The following TBCK variants were observed in gnomAD, a reference collection of about 807,000 sequenced individuals.
The protein encoded by TBCK is TBC1 domain containing kinase.
In TBCK, 99 loss-of-function variants were observed where a neutral mutation model predicts 113.4. The ratio of observed to expected loss-of-function variants is 0.87; its 90% CI spans 0.74 to 1.03. TBCK has a LOEUF of 1.03. Ranked by LOEUF, TBCK falls within the 50% of genes least tolerant of loss-of-function variation. TBCK has a pLI of 0.00. For synonymous variants in TBCK, 369 were observed against 370.8 expected (o/e 1.00, Z 0.05); for missense variants, 1,045 against 1,061.3 (o/e 0.98, Z 0.21).
intron 25 of TBCK, among the ~76,000 whole-genome samples, chr4:106,060,000 C>CTCTGCAATT (rs1735858403): frequency 6.6e-6 from 1 of 151,702 alleles, no homozygotes; most frequent in Non-Finnish European, 1.5e-5. Flanking sequence ...CAGAGCCAGG[C>CTCTGCAATT]CTTAGCTCTC....
chr4:106,272,352 C>T (rs374313657), intron 3 of TBCK, among the ~76,000 whole-genome samples: 4 of 152,130 alleles, frequency 2.6e-5, no homozygotes, highest in African/African-American at 9.6e-5. Context: ...TGTATAGCCC[C>T]CATCATCCTT....
chr4:106,216,622 A>T (rs1756963832), intron 19 of TBCK, among the ~76,000 whole-genome samples: 1 of 152,234 alleles, frequency 6.6e-6, no homozygotes, highest in Admixed American at 6.5e-5. Flanking sequence ...CCTAGAAGAA[A>T]TGGGTAAATT....
chr4:106,142,506 G>A (rs1747251068), intron 23 of TBCK, among the ~76,000 whole-genome samples: 2 of 152,124 alleles, frequency 1.3e-5, no homozygotes, highest in African/African-American at 2.4e-5. Context: ...ACATTTTATA[G>A]GAAATCCTGA....
intron 3 of TBCK, among the ~76,000 whole-genome samples, chr4:106,271,829 A>G (rs1054332631): frequency 6.6e-6 from 1 of 152,148 alleles, no homozygotes; most frequent in South Asian, 2.1e-4. Flanking sequence ...TTCTACAAAG[A>G]GCACATTGAT....
At chr4:106,236,291 A>T in intron 14 of TBCK, 99 bp downstream of exon 14, 1 of 875,364 alleles carries the variant, frequency 1.1e-6, no homozygotes, top group Non-Finnish European at 1.5e-6. Flanking sequence ...CATAAAAATT[A>T]ATCTTCTTAT....
chr4:106,226,293 G>A (rs1162604479), intron 19 of TBCK, among the ~76,000 whole-genome samples: 1 of 152,110 alleles, frequency 6.6e-6, no homozygotes, highest in Non-Finnish European at 1.5e-5. Flanking sequence ...AATTTTGGGA[G>A]GAAGATAATT....
chr4:106,253,772 C>T (rs748753938), intron 5 of TBCK, among the ~76,000 whole-genome samples: 11 of 152,152 alleles, frequency 7.2e-5, no homozygotes, highest in Middle Eastern at 3.2e-3. Flanking sequence ...TCAAGACTTT[C>T]GCTTATTTCT....
intron 19 of TBCK, among the ~76,000 whole-genome samples, chr4:106,229,751 T>C (rs1260565361): frequency 6.8e-6 from 1 of 148,014 alleles, no homozygotes; most frequent in African/African-American, 2.4e-5. Flanking sequence ...ATATAAATTT[T>C]AGGATTTTTT....
At chr4:106,076,607 G>T (rs957318955) in intron 25 of TBCK, among the ~76,000 whole-genome samples, 1 of 152,088 alleles carries the variant, frequency 6.6e-6, no homozygotes, top group African/African-American at 2.4e-5. Context: ...AATCGTATAG[G>T]TAACTAGAGA....
intron 14 of TBCK, 70 bp from the exon 15 acceptor site, chr4:106,235,437 G>A: frequency 1.0e-6 from 1 of 974,222 alleles, no homozygotes; most frequent in Non-Finnish European, 1.5e-6. Context: ...AGACAGTTCT[G>A]AATATACCCA....
At chr4:106,074,171 A>C (rs1335265042) in intron 25 of TBCK, among the ~76,000 whole-genome samples, 3 of 152,210 alleles carry the variant, frequency 2.0e-5, no homozygotes, top group Non-Finnish European at 4.4e-5. Context: ...CTGGAAATGC[A>C]GAAATCACCT....
At chr4:106,236,883 G>A (rs1759532385) in intron 12 of TBCK, 75 bp from the exon 13 acceptor site, 1 of 784,974 alleles carries the variant, frequency 1.3e-6, no homozygotes, top group Non-Finnish European at 1.9e-6. Context: ...AAAAAGACAA[G>A]TAATATAACA....
chr4:106,162,777 C>T (rs1339871759), intron 23 of TBCK, among the ~76,000 whole-genome samples: 2 of 152,102 alleles, frequency 1.3e-5, no homozygotes, highest in African/African-American at 4.8e-5. Context: ...TGTTCTGACA[C>T]TGCACAGAAT....
At chr4:106,107,670 C>T (rs1201093069) in intron 24 of TBCK, among the ~76,000 whole-genome samples, 4 of 152,172 alleles carry the variant, frequency 2.6e-5, no homozygotes, top group African/African-American at 7.2e-5. Flanking sequence ...CAAATGTCCA[C>T]ATCAAAAAGT....
chr4:106,276,302 T>C (rs146652685), intron 3 of TBCK, among the ~76,000 whole-genome samples: 11 of 152,348 alleles, frequency 7.2e-5, no homozygotes, highest in African/African-American at 2.4e-4. Context: ...ATAATGATTC[T>C]AGAATAAAAT....
chr4:106,064,065 G>C (rs1434474756), intron 25 of TBCK, among the ~76,000 whole-genome samples: 1 of 151,828 alleles, frequency 6.6e-6, no homozygotes, highest in African/African-American at 2.4e-5. Flanking sequence ...CCGGGAGAGG[G>C]GGGAAAAGCC....
At chr4:106,171,654 A>C (rs1290770017) in intron 22 of TBCK, among the ~76,000 whole-genome samples, 1 of 152,138 alleles carries the variant, frequency 6.6e-6, no homozygotes, top group Non-Finnish European at 1.5e-5. Flanking sequence ...CCAATGTGAA[A>C]CAAAAGTTAT....
chr4:106,177,414 T>C (rs1378010086), intron 22 of TBCK, among the ~76,000 whole-genome samples: 1 of 151,890 alleles, frequency 6.6e-6, no homozygotes, highest in Non-Finnish European at 1.5e-5. Flanking sequence ...CCTTGCCTAG[T>C]AGATCAATGT....
In TBCK at chr4:106,308,935, A is replaced by G. The variant is rs758960293; in HGVS notation, c.26T>C (p.Met9Thr). MFPLKDAE[M>T]GAFTFFASAL... ...CGAGGCAAAGAAGGTAAAGGCTCCC[A>G]TTTCAGCGTCCTTCAGGGGAAACAT... The change falls in exon 2 of 26, where the codon ATG becomes ACG. Residue 9 changes from methionine to threonine, a missense_variant. Transcript: ENST00000394708. 11 of 1,613,924 alleles carry G rather than the reference A, an allele frequency of 6.8e-6. No individual in the cohort carries two copies. In the Admixed American group the frequency reaches 1.5e-4, roughly 22 times the overall value.
Sources: allele counts gnomAD v4.1 joint callset (sites outside exome capture counted in the v4.1 genomes callset), GRCh38; gene constraint gnomAD v4.1.1; transcripts MANE v1.5; gene names NCBI Gene and HGNC (gene_info 2026-07-23, HGNC 2026-07-21).